RBFOX1: variants seen among roughly 807,000 people sequenced by gnomAD.
The protein encoded by RBFOX1 is RNA binding protein fox-1 homolog 1.
A neutral mutation model predicts 57.7 loss-of-function variants in RBFOX1; 8 were observed. The observed-to-expected ratio is 0.14, with a 90% confidence interval of 0.08 to 0.25. RBFOX1 has a LOEUF of 0.25. Ranked by LOEUF, RBFOX1 falls within the 10% of genes least tolerant of loss-of-function variation. RBFOX1 has a pLI of 1.00. For synonymous variants in RBFOX1, 326 were observed against 222.4 expected (o/e 1.47, Z -4.15); for missense variants, 611 against 548.5 (o/e 1.11, Z -1.14).
intron 3 of RBFOX1, among the ~76,000 whole-genome samples, chr16:7,031,276 C>T (rs138157446): frequency 6.6e-6 from 1 of 152,054 alleles, no homozygotes; most frequent in Admixed American, 6.6e-5. Context: ...GGTTGTTTAA[C>T]CTTTGTGACT....
At chr16:6,408,333 G>T (rs1468767863) in intron 2 of RBFOX1, among the ~76,000 whole-genome samples, 2 of 152,190 alleles carry the variant, frequency 1.3e-5, no homozygotes, top group Non-Finnish European at 2.9e-5. Context: ...TAAGGTGTGT[G>T]TGCAGGGGGG....
At chr16:7,003,284 C>T (rs980983851) in intron 3 of RBFOX1, among the ~76,000 whole-genome samples, 12 of 148,590 alleles carry the variant, frequency 8.1e-5, no homozygotes, top group South Asian at 2.2e-4. Flanking sequence ...CATGGTGAAA[C>T]CCCCGTCTCT....
intron 3 of RBFOX1, among the ~76,000 whole-genome samples, chr16:5,727,292 C>T (rs1001116704): frequency 2.2e-4 from 33 of 152,054 alleles, no homozygotes; most frequent in Non-Finnish European, 1.0e-4. Flanking sequence ...GAAAAACAAA[C>T]AAACAAATAA....
intron 1 of RBFOX1, among the ~76,000 whole-genome samples, chr16:6,096,944 C>G (rs899093675): frequency 6.6e-6 from 1 of 152,164 alleles, no homozygotes; most frequent in African/African-American, 2.4e-5. Flanking sequence ...CCCCTCTGCA[C>G]TCCTGGTATG....
At chr16:6,210,707 A>C (rs554607389) in intron 1 of RBFOX1, among the ~76,000 whole-genome samples, 1 of 152,162 alleles carries the variant, frequency 6.6e-6, no homozygotes, top group South Asian at 2.1e-4. Flanking sequence ...CCTGGGTGAC[A>C]CAGTGAGACT....
intron 4 of RBFOX1, among the ~76,000 whole-genome samples, chr16:5,997,005 A>G (rs1319028727): frequency 6.6e-6 from 1 of 151,210 alleles, no homozygotes. Context: ...ACCCACCAGG[A>G]AGCACCTCCG....
intron 3 of RBFOX1, among the ~76,000 whole-genome samples, chr16:7,013,602 A>G (rs1597013530): frequency 6.6e-6 from 1 of 152,300 alleles, no homozygotes; most frequent in East Asian, 1.9e-4. Context: ...CAACACAACT[A>G]CTAATGTTAT....
At chr16:5,830,074 TTTC>T (rs1179037077) in intron 3 of RBFOX1, among the ~76,000 whole-genome samples, 1 of 152,202 alleles carries the variant, frequency 6.6e-6, no homozygotes, top group Non-Finnish European at 1.5e-5. Flanking sequence ...CACTGCCACT[TTTC>T]TTCAGGCTAG....
At chr16:7,275,721 G>C (rs532555682) in intron 4 of RBFOX1, among the ~76,000 whole-genome samples, 1 of 152,200 alleles carries the variant, frequency 6.6e-6, no homozygotes, top group Non-Finnish European at 1.5e-5. Context: ...AATAGGCATT[G>C]TTTTGATGGC....
chr16:7,472,178 T>C (rs559568617), intron 4 of RBFOX1, among the ~76,000 whole-genome samples: 1 of 152,354 alleles, frequency 6.6e-6, no homozygotes, highest in African/African-American at 2.4e-5. Context: ...GAAGCATAGC[T>C]TCTCTTTTAA....
At chr16:7,432,992 G>C (rs1364218006) in intron 4 of RBFOX1, among the ~76,000 whole-genome samples, 1 of 152,196 alleles carries the variant, frequency 6.6e-6, no homozygotes, top group East Asian at 1.9e-4. Flanking sequence ...GAGGGAAACA[G>C]GGAAGGAGGT....
chr16:6,664,521 A>G (rs753755423), intron 3 of RBFOX1, among the ~76,000 whole-genome samples: 6 of 152,202 alleles, frequency 3.9e-5, no homozygotes, highest in African/African-American at 9.6e-5. Flanking sequence ...TGATACATAT[A>G]CCACAAGTAG....
chr16:6,954,191 C>T (rs950719774), intron 3 of RBFOX1, among the ~76,000 whole-genome samples: 3 of 152,064 alleles, frequency 2.0e-5, no homozygotes, highest in Non-Finnish European at 4.4e-5. Context: ...AAGTTACTCA[C>T]ATATTTATGT....
At chr16:7,586,565 G>C (rs545477233) in intron 6 of RBFOX1, among the ~76,000 whole-genome samples, 44 of 152,280 alleles carry the variant, frequency 2.9e-4, no homozygotes, top group African/African-American at 1.0e-3. Context: ...ATTTAACCAA[G>C]TGTCTGCATT....
At chr16:5,393,872 C>T (rs964856589) in intron 1 of RBFOX1, among the ~76,000 whole-genome samples, 1 of 152,180 alleles carries the variant, frequency 6.6e-6, no homozygotes, top group Middle Eastern at 3.2e-3. Context: ...ACACTAACTT[C>T]CCATTCACGT....
chr16:6,048,946 G>A (rs1314448576), intron 1 of RBFOX1, among the ~76,000 whole-genome samples: 2 of 151,992 alleles, frequency 1.3e-5, no homozygotes, highest in Non-Finnish European at 2.9e-5. Flanking sequence ...GACTCAGACT[G>A]GGGTTTCCCT....
chr16:7,688,746 G>C (rs946057480), intron 14 of RBFOX1, among the ~76,000 whole-genome samples: 3 of 152,126 alleles, frequency 2.0e-5, no homozygotes, highest in African/African-American at 7.2e-5. Context: ...AGTCAGGCTA[G>C]TGACATAAGA....
chr16:7,288,285 A>G (rs2095690313), intron 4 of RBFOX1, among the ~76,000 whole-genome samples: 1 of 152,226 alleles, frequency 6.6e-6, no homozygotes, highest in African/African-American at 2.4e-5. Context: ...CAGACATTCT[A>G]CTTGGAAATC....
At chr16:6,951,130 C>G (rs900922348) in intron 3 of RBFOX1, among the ~76,000 whole-genome samples, 3 of 152,130 alleles carry the variant, frequency 2.0e-5, no homozygotes, top group Non-Finnish European at 4.4e-5. Flanking sequence ...TGGTCTTAAA[C>G]TCCTGGACTC....
Sources: gnomAD v4.1 joint callset for allele counts (sites outside exome capture counted in the v4.1 genomes callset) on GRCh38, gnomAD v4.1.1 for gene constraint, MANE v1.5 for transcripts, NCBI Gene and HGNC (gene_info 2026-07-23, HGNC 2026-07-21) for gene names.